PEMT: variants seen among roughly 807,000 people sequenced by gnomAD.
PEMT encodes the protein phospholipid methyltransferase.
A neutral mutation model predicts 27.4 loss-of-function variants in PEMT; 23 were observed. That is an observed-to-expected ratio of 0.84 (90% CI 0.60 to 1.19). PEMT has a LOEUF of 1.19. Among genes scored for constraint, PEMT ranks in the 50% most tolerant of loss-of-function variants. The probability of loss-of-function intolerance (pLI) is 0.00; values close to 1 mark genes in which losing one functional copy is unlikely to be tolerated. For missense variants in PEMT, 307 were observed against 310.1 expected (o/e 0.99, Z 0.07); for synonymous variants, 137 against 139.1 (o/e 0.98, Z 0.11).
At chr17:17,581,646 A>C (rs931087177) in intron 1 of PEMT, among the ~76,000 whole-genome samples, 5 of 152,204 alleles carry the variant, frequency 3.3e-5, no homozygotes, top group African/African-American at 1.2e-4. Context: ...CATCCACCTG[A>C]GTCTCCCAAT....
intron 2 of PEMT, among the ~76,000 whole-genome samples, chr17:17,564,397 T>G (rs1910689771): frequency 6.6e-6 from 1 of 152,056 alleles, no homozygotes; most frequent in African/African-American, 2.4e-5. Context: ...CTCCCTTGGA[T>G]TAACAGAGGA....
At position 17,516,185 on chromosome 17, in the gene PEMT, G is replaced by T. The variant is rs561560213; in HGVS notation, c.321-3531C>A. Among the ~76,000 whole-genome samples, 3 of 151,836 alleles carry T rather than the reference G, an allele frequency of 2.0e-5. No individual in the cohort carries two copies. The East Asian group carries it at 5.9e-4, about 30-fold the overall frequency. On this transcript the variant is annotated intron_variant, in intron 3 of 6. Transcript: ENST00000255389. ...CTCCACATCCTTCACCCCAGGCTTG[G>T]AGTGACTCGCTCTTTCCACTCCATC... is the stretch of plus-strand genomic sequence containing the variant.
rs963782373 is a variant in PEMT at position 17,523,693 on chromosome 17, G to C, written c.205-1298C>G. On this transcript the variant is annotated intron_variant, in intron 2 of 6. Coordinates refer to ENST00000255389, the MANE Select transcript of PEMT (RefSeq NM_148172.3). The surrounding 1 kb of genome is among the most constrained non-coding windows in gnomAD (Gnocchi z 4.8). ...AGGCGGAAGGAATAAGCGCTGCAGG[G>C]GTGAGGAGGGGGCTGCGGTGACCTT... is the stretch of plus-strand genomic sequence containing the variant. Among the ~76,000 whole-genome samples the C allele has an allele frequency of 2.0e-5, 3 of 152,160 alleles. No individual in the cohort carries two copies. Among genetic ancestry groups the C allele is most frequent in the Non-Finnish European group, 4.4e-5 (3 of 68,028 alleles).
intron 2 of PEMT, among the ~76,000 whole-genome samples, chr17:17,574,648 C>T (rs1483467624): frequency 1.3e-5 from 2 of 152,192 alleles, no homozygotes; most frequent in African/African-American, 4.8e-5. Context: ...AACCACTCTG[C>T]CATTCATGAG....
chr17:17,575,977 G>A (rs935119879), intron 2 of PEMT, among the ~76,000 whole-genome samples: 1 of 152,174 alleles, frequency 6.6e-6, no homozygotes, highest in Admixed American at 6.5e-5. Flanking sequence ...AAAACTGTCT[G>A]GAACAATGTG....
intron 1 of PEMT, among the ~76,000 whole-genome samples, chr17:17,587,353 C>T (rs1345353597): frequency 6.6e-6 from 1 of 152,088 alleles, no homozygotes; most frequent in Non-Finnish European, 1.5e-5. Context: ...CCTTGCAAGA[C>T]ACAACTGTCA....
intron 2 of PEMT, among the ~76,000 whole-genome samples, chr17:17,534,508 G>A (rs1185756202): frequency 6.6e-6 from 1 of 152,224 alleles, no homozygotes; most frequent in Non-Finnish European, 1.5e-5. Flanking sequence ...CTGAGTACGT[G>A]CCTCCTGGCT....
chr17:17,592,099 C>G, upstream of PEMT: 3 of 985,396 alleles, frequency 3.0e-6, no homozygotes, highest in Non-Finnish European at 3.6e-6. Context: ...CAGGGCCCCA[C>G]ACGCCCAGGG....
intron 2 of PEMT, among the ~76,000 whole-genome samples, chr17:17,573,600 TA>T (rs1911360118): frequency 6.6e-6 from 1 of 151,842 alleles, no homozygotes; most frequent in South Asian, 2.1e-4. Context: ...ATGTAAAGTA[TA>T]TGGGAGGGTG....
At chr17:17,508,752 C>T (rs996620898) in intron 5 of PEMT, 3 of 467,888 alleles carry the variant, frequency 6.4e-6, no homozygotes, top group South Asian at 1.6e-5. Context: ...TTGTCAGTAC[C>T]CGTACCTGGC....
intron 2 of PEMT, among the ~76,000 whole-genome samples, chr17:17,531,770 T>C (rs555965425): frequency 6.6e-6 from 1 of 152,110 alleles, no homozygotes; most frequent in South Asian, 2.1e-4. Flanking sequence ...TCTAAAACTT[T>C]TAGAAGAAAA....
intron 2 of PEMT, among the ~76,000 whole-genome samples, chr17:17,568,173 A>G (rs1174208451): frequency 6.6e-6 from 1 of 151,778 alleles, no homozygotes; most frequent in Non-Finnish European, 1.5e-5. Context: ...TTTTGTCTAC[A>G]CTCATATCCC....
chr17:17,528,529 AG>A, intron 2 of PEMT, among the ~76,000 whole-genome samples: 1 of 152,344 alleles, frequency 6.6e-6, no homozygotes, highest in South Asian at 2.1e-4. Flanking sequence ...GGAGCCAGGA[AG>A]GGAGGGGGCC....
chr17:17,529,485 G>C (rs1009654615), intron 2 of PEMT, among the ~76,000 whole-genome samples: 24 of 152,322 alleles, frequency 1.6e-4, no homozygotes, highest in Middle Eastern at 3.4e-3. Context: ...CACTCCACCA[G>C]CTAGTCCAGT....
rs551547730 is a variant in PEMT at position 17,512,600 on chromosome 17, C to T, written c.375G>A (p.Ala125=). Residue 125 remains alanine (A), a synonymous_variant, in exon 4 of 7, where the codon GCG becomes GCA. Transcript: ENST00000255389. This position sits in a 1 kb window ranked among gnomAD's most constrained non-coding sequence, Gnocchi z 6.3. Reference sequence around the variant, plus strand: ...GGAGCGCGAGGCCCAGGCTGTAGGCCGCGGGGGTGTCCAGGCTCTCCATCC... The same window carrying T: ...GGAGCGCGAGGCCCAGGCTGTAGGCTGCGGGGGTGTCCAGGCTCTCCATCC... ...QPRMESLDTP[A]AYSLGLALLG... is the part of the protein sequence containing the mutation. 1.0e-5 allele frequency: 16 copies of T among 1,601,180 alleles called. No homozygotes were observed. The highest frequency in any genetic ancestry group is 8.0e-5 in the African/African-American group (6 of 74,716).
rs1022384641 is a variant in PEMT at position 17,570,979 on chromosome 17, C to T, written c.204+5941G>A. 40 of 908,396 alleles carry T rather than the reference C, an allele frequency of 4.4e-5. 1 individual carries two copies. Among genetic ancestry groups the T allele is most frequent in the Non-Finnish European group, 1.3e-5 (10 of 759,692 alleles). 56.3% of individuals were successfully genotyped at this position (908,396 alleles called of 1,614,324 possible). ...TCTTGGCAGGGGCTCCCTTTGGAGA[C>T]TGGAGACTCCCACGTAGGGCCACAG... is the stretch of plus-strand genomic sequence containing the variant. On this transcript the variant is annotated intron_variant, in intron 2 of 6. Transcript: ENST00000255389.
chr17:17,516,819 G>A (rs1035453843), intron 3 of PEMT, among the ~76,000 whole-genome samples: 11 of 152,100 alleles, frequency 7.2e-5, no homozygotes, highest in African/African-American at 2.7e-4. Flanking sequence ...GCCTATGCCA[G>A]CTTCCCTGTC....
At chr17:17,528,064 C>G (rs934420990) in intron 2 of PEMT, among the ~76,000 whole-genome samples, 1 of 152,232 alleles carries the variant, frequency 6.6e-6, no homozygotes, top group African/African-American at 2.4e-5. Flanking sequence ...GTAATGAATG[C>G]TGGGGAGGAG....
intron 1 of PEMT, among the ~76,000 whole-genome samples, chr17:17,586,999 T>C (rs564562527): frequency 9.2e-5 from 14 of 151,504 alleles, no homozygotes; most frequent in Non-Finnish European, 1.8e-4. Context: ...GAAGACTCCG[T>C]CTCAAAAAAA....
Sources: gnomAD v4.1 joint callset for allele counts (sites outside exome capture counted in the v4.1 genomes callset) on GRCh38, gnomAD v4.1.1 for gene constraint, Gnocchi (gnomAD v3.1) non-coding constraint, MANE v1.5 for transcripts, NCBI Gene and HGNC (gene_info 2026-07-23, HGNC 2026-07-21) for gene names.